Variants in ABCA12 observed in about 807,000 individuals in gnomAD.
ABCA12 encodes glucosylceramide transporter ABCA12.
ABCA12 carries 156 observed loss-of-function variants against 293.5 expected under a neutral mutation model. The ratio of observed to expected loss-of-function variants is 0.53; its 90% CI spans 0.47 to 0.61. The LOEUF (loss-of-function observed/expected upper bound fraction) is 0.61, where lower values mean the gene tolerates loss of function less well. ABCA12 is among the 20% of genes least tolerant of loss of function. The pLI is 0.00. For missense variants in ABCA12, 2,797 were observed against 3,090.2 expected (o/e 0.91, Z 2.25); for synonymous variants, 1,063 against 1,108.0 (o/e 0.96, Z 0.81).
At chr2:215,135,926 T>C (rs1221273528) in intron 1 of ABCA12, among the ~76,000 whole-genome samples, 1 of 152,160 alleles carries the variant, frequency 6.6e-6, no homozygotes, top group Non-Finnish European at 1.5e-5. Flanking sequence ...AAATTTCTCT[T>C]TCTTTGCCCT....
intron 15 of ABCA12, chr2:215,013,603 C>T (rs933067914): frequency 6.5e-6 from 1 of 154,314 alleles, no homozygotes. Flanking sequence ...AATAAATTGG[C>T]ATGCCGACGT....
chr2:215,078,335 G>A (rs548646625), intron 2 of ABCA12, among the ~76,000 whole-genome samples: 136 of 152,298 alleles, frequency 8.9e-4, no homozygotes, highest in African/African-American at 3.2e-3. Context: ...CCACTTGGTA[G>A]AGCAAAGTAA....
At chr2:214,980,271 GACCTAC>G (rs1387315595) in intron 31 of ABCA12, among the ~76,000 whole-genome samples, 1 of 152,150 alleles carries the variant, frequency 6.6e-6, no homozygotes, top group East Asian at 1.9e-4. Flanking sequence ...TCCCATCCCA[GACCTAC>G]AGGATCAGAC....
intron 3 of ABCA12, among the ~76,000 whole-genome samples, chr2:215,060,629 T>C (rs991595905): frequency 3.3e-5 from 5 of 152,086 alleles, no homozygotes; most frequent in Admixed American, 2.0e-4. Flanking sequence ...GGTTACTAAA[T>C]GGTTATAAAT....
chr2:214,974,881 C>T lies in ABCA12; in HGVS notation c.5382-17G>A. On this transcript the variant is annotated splice_polypyrimidine_tract_variant and intron_variant, in intron 34 of 52. Coordinates refer to ENST00000272895, the MANE Select transcript of ABCA12 (RefSeq NM_173076.3). ...TGATAATTACTGCAATATGAAAGGA[C>T]AGAAACAAATTCATGATTTTTCTAC... 6.2e-7 allele frequency: 1 copy of T among 1,606,516 alleles called. No homozygotes were observed. Among genetic ancestry groups the T allele is most frequent in the South Asian group, 1.1e-5 (1 of 90,900 alleles).
intron 2 of ABCA12, among the ~76,000 whole-genome samples, chr2:215,091,746 TAC>T (rs1340634988): frequency 1.3e-5 from 2 of 152,366 alleles, no homozygotes; most frequent in Non-Finnish European, 2.9e-5. Flanking sequence ...GAGTTGCAAT[TAC>T]TTGCCTCCAC....
intron 11 of ABCA12, among the ~76,000 whole-genome samples, chr2:215,020,494 C>A (rs60395750): frequency 6.6e-6 from 1 of 152,220 alleles, no homozygotes; most frequent in African/African-American, 2.4e-5. Context: ...AAATTCATAG[C>A]GACAGAAGCA....
chr2:214,933,419 A>C (rs1698121573), intron 52 of ABCA12, among the ~76,000 whole-genome samples: 1 of 152,092 alleles, frequency 6.6e-6, no homozygotes, highest in South Asian at 2.1e-4. Flanking sequence ...CCACAAGAAG[A>C]GTTGTACATC....
At chr2:215,084,198 G>C (rs2106098238) in intron 2 of ABCA12, among the ~76,000 whole-genome samples, 1 of 152,158 alleles carries the variant, frequency 6.6e-6, no homozygotes. Flanking sequence ...ATGTTGCCCA[G>C]GCTGGTCCCA....
chr2:214,996,527 C>T (rs1201068213), intron 23 of ABCA12, among the ~76,000 whole-genome samples: 3 of 152,094 alleles, frequency 2.0e-5, no homozygotes, highest in Non-Finnish European at 2.9e-5. Context: ...ATCATAATTA[C>T]GGTTGAAGGC....
At chr2:214,967,339 C>A (rs933041713) in intron 38 of ABCA12, among the ~76,000 whole-genome samples, 1 of 151,992 alleles carries the variant, frequency 6.6e-6, no homozygotes, top group African/African-American at 2.4e-5. Flanking sequence ...TGGAATAGAC[C>A]AAGCTGGAGA....
intron 3 of ABCA12, among the ~76,000 whole-genome samples, chr2:215,056,710 TG>T (rs1701427338): frequency 6.6e-6 from 1 of 152,086 alleles, no homozygotes; most frequent in Non-Finnish European, 1.5e-5. Context: ...CAACAGAGTA[TG>T]TGCATAAAAA....
chr2:214,979,578 TA>T (rs1699602750), intron 31 of ABCA12, among the ~76,000 whole-genome samples: 1 of 151,962 alleles, frequency 6.6e-6, no homozygotes, highest in Non-Finnish European at 1.5e-5. Context: ...AGTGATGTAC[TA>T]ATTGCCAATA....
chr2:215,020,013 A>G (rs963303097), intron 11 of ABCA12, among the ~76,000 whole-genome samples: 27 of 152,146 alleles, frequency 1.8e-4, no homozygotes, highest in African/African-American at 6.0e-4. Flanking sequence ...TTTTGGGCCT[A>G]TTAGACCTGT....
At position 215,045,827 on chromosome 2, in the gene ABCA12, A is replaced by T. The variant is rs1701190779; in HGVS notation, c.872+10T>A. On this transcript the variant is annotated intron_variant, in intron 7 of 52. Coordinates refer to ENST00000272895, the MANE Select transcript of ABCA12 (RefSeq NM_173076.3). ...CACTAATATTACATTTAATTCTTAC[A>T]TTTTCTTACCTGTTTGCCTTTCGAA... 2 of 1,611,414 alleles carry T rather than the reference A, an allele frequency of 1.2e-6. No homozygotes were observed. The highest frequency in any genetic ancestry group is 1.7e-6 in the Non-Finnish European group (2 of 1,178,260).
intron 1 of ABCA12, among the ~76,000 whole-genome samples, chr2:215,134,638 GAGACAA>G (rs1703169849): frequency 8.3e-6 from 1 of 119,982 alleles, no homozygotes; most frequent in East Asian, 2.1e-4. Context: ...GAGAGAGAGA[GAGACAA>G]ACAGAGAGAG....
chr2:215,085,511 A>C (rs1337136690), intron 2 of ABCA12: 1 of 152,234 alleles, frequency 6.6e-6, no homozygotes, highest in African/African-American at 2.4e-5. Flanking sequence ...TAAAAGATTT[A>C]CCATTCTCCT....
rs373880852 is a variant in ABCA12, at chr2:214,959,739, A to G, written c.5885-661T>C. 1.6e-4 allele frequency among the ~76,000 whole-genome samples: 24 copies of G among 152,302 alleles called. No homozygotes were observed. The East Asian group carries it at 1.9e-3, about 12-fold the overall frequency. ...AGAAAAGTGGTCACTTAATTCCAAT[A>G]CAGTCCCAAATTGCTGGGATCTCCC... On this transcript the variant is annotated intron_variant, in intron 39 of 52. Coordinates refer to ENST00000272895, the MANE Select transcript of ABCA12 (RefSeq NM_173076.3).
At position 215,000,722 on chromosome 2, in the gene ABCA12, G is replaced by A. The variant is rs1266526621; in HGVS notation, c.3162C>T (p.Pro1054=). Residue 1054 remains proline (P), a synonymous_variant, in exon 22 of 53, where the codon CCC becomes CCT. Coordinates refer to ENST00000272895, the MANE Select transcript of ABCA12 (RefSeq NM_173076.3). The stretch of plus-strand genomic sequence containing the variant: ...ACACTTACTTGTCTTTCATGAAGCA[G>A]GGATAAGGAATTGCTTGAACCTGGA... ...IAVQVQAIPY[P]CFMKDNFLTS... 1.2e-6 allele frequency: 2 copies of A among 1,613,868 alleles called. No homozygotes were observed. Among genetic ancestry groups the A allele is most frequent in the African/African-American group, 2.7e-5 (2 of 74,914 alleles).
Sources: gnomAD v4.1 joint callset for allele counts (sites outside exome capture counted in the v4.1 genomes callset) on GRCh38, gnomAD v4.1.1 for gene constraint, MANE v1.5 for transcripts, NCBI Gene and HGNC (gene_info 2026-07-23, HGNC 2026-07-21) for gene names.